INVS: variants seen among roughly 807,000 people sequenced by gnomAD.
The protein encoded by INVS is inversion of embryo turning homolog.
In INVS, 86 loss-of-function variants were observed where a neutral mutation model predicts 108.8. The ratio of observed to expected loss-of-function variants is 0.79; its 90% CI spans 0.66 to 0.95. The LOEUF (loss-of-function observed/expected upper bound fraction) is 0.95, where lower values mean the gene tolerates loss of function less well. INVS is among the 40% of genes least tolerant of loss of function. The pLI is 0.00. For missense variants in INVS, 1,169 were observed against 1,297.4 expected (o/e 0.90, Z 1.52); for synonymous variants, 455 against 473.5 (o/e 0.96, Z 0.51).
intron 7 of INVS, among the ~76,000 whole-genome samples, chr9:100,243,807 C>T (rs766397498): frequency 1.3e-5 from 2 of 152,054 alleles, no homozygotes; most frequent in Non-Finnish European, 2.9e-5. Flanking sequence ...GTCTGGAGTT[C>T]GAGAACAGCC....
intron 14 of INVS, among the ~76,000 whole-genome samples, chr9:100,293,839 T>A (rs952542360): frequency 1.3e-5 from 2 of 152,182 alleles, no homozygotes; most frequent in African/African-American, 2.4e-5. Flanking sequence ...CAGTGATGAA[T>A]GTCCAGAGAG....
At chr9:100,222,719 A>G (rs975700387) in intron 3 of INVS, among the ~76,000 whole-genome samples, 2 of 152,100 alleles carry the variant, frequency 1.3e-5, no homozygotes, top group African/African-American at 4.8e-5. Context: ...TTTAAAGGTC[A>G]TGATGAATTA....
chr9:100,243,686 T>C (rs1831952871), intron 7 of INVS, among the ~76,000 whole-genome samples: 1 of 152,144 alleles, frequency 6.6e-6, no homozygotes, highest in South Asian at 2.1e-4. Context: ...TGGGTATGCA[T>C]AGTGAAACCC....
intron 5 of INVS, among the ~76,000 whole-genome samples, chr9:100,238,964 A>G (rs142347927): frequency 1.3e-5 from 2 of 152,356 alleles, no homozygotes; most frequent in African/African-American, 2.4e-5. Context: ...ACCATAAGGG[A>G]AAAATGCAGT....
chr9:100,235,162 T>C (rs536578729), intron 5 of INVS, among the ~76,000 whole-genome samples: 13 of 152,300 alleles, frequency 8.5e-5, no homozygotes, highest in African/African-American at 3.1e-4. Context: ...TTAAAGTCTG[T>C]TTTATCAGAG....
chr9:100,228,742 C>G (rs1831415864), intron 4 of INVS, among the ~76,000 whole-genome samples: 1 of 152,192 alleles, frequency 6.6e-6, no homozygotes, highest in African/African-American at 2.4e-5. Flanking sequence ...GAGCAGATTA[C>G]TTAGGTTCCG....
At chr9:100,104,720 A>G in intron 2 of INVS, 93 bp downstream of exon 2, 2 of 802,076 alleles carry the variant, frequency 2.5e-6, no homozygotes, top group South Asian at 2.8e-5. Context: ...ATGTACTCAT[A>G]CATTTTAATG....
chr9:100,100,811 A>AATATATATATAATATATGTATATATAAT lies in INVS; in HGVS notation c.-25+1404_-25+1405insTAATATATGTATATATAATATATATATA, dbSNP rs1473978171. Among the ~76,000 whole-genome samples, 24 of 13,208 alleles carry AATATATATATAATATATGTATATATAAT rather than the reference A, an allele frequency of 1.8e-3. 10 individuals carry two copies. 8.7% of individuals were successfully genotyped at this position (13,208 alleles called of 152,430 possible). On this transcript the variant is annotated intron_variant, in intron 1 of 16. Coordinates refer to ENST00000262457, the MANE Select transcript of INVS (RefSeq NM_014425.5). The stretch of plus-strand genomic sequence containing the variant: ...TTATATATATAATATATGTATATAT[A>AATATATATATAATATATGTATATATAAT]ATATATATAATATATGTATATATAA...
rs1828511740 is a variant in INVS at position 100,143,835 on chromosome 9, A to C, written c.273+17286A>C. Among the ~76,000 whole-genome samples, 3 of 152,072 alleles carry C rather than the reference A, an allele frequency of 2.0e-5. No homozygotes were observed. In the South Asian group the frequency reaches 6.2e-4, roughly 32 times the overall value. ...GGCCCTTGAAAAGAAGGTAATGTGGAGTGGGTAGCTTCCATATCGATTAAG... is the reference window on the plus strand; with the variant it reads ...GGCCCTTGAAAAGAAGGTAATGTGGCGTGGGTAGCTTCCATATCGATTAAG... On this transcript the variant is annotated intron_variant, in intron 3 of 16. Transcript: ENST00000262457.
At chr9:100,103,271 C>T (rs541404374) in intron 1 of INVS, among the ~76,000 whole-genome samples, 2 of 152,264 alleles carry the variant, frequency 1.3e-5, no homozygotes, top group South Asian at 4.1e-4. Flanking sequence ...GTGAAACTTC[C>T]ACCTCAGCCT....
At chr9:100,105,633 A>G (rs908212538) in intron 2 of INVS, among the ~76,000 whole-genome samples, 1 of 152,046 alleles carries the variant, frequency 6.6e-6, no homozygotes, top group African/African-American at 2.4e-5. Context: ...GACATTTTCC[A>G]CCACCTCCAA....
At chr9:100,198,267 T>G (rs927939390) in intron 3 of INVS, among the ~76,000 whole-genome samples, 29 of 12,756 alleles carry the variant, frequency 2.3e-3, no homozygotes, top group Non-Finnish European at 4.6e-3. Context: ...GGCTAGAATT[T>G]TTTTTTTTTT....
intron 3 of INVS, among the ~76,000 whole-genome samples, chr9:100,165,427 T>C (rs1829330834): frequency 6.6e-6 from 1 of 152,138 alleles, no homozygotes; most frequent in African/African-American, 2.4e-5. Flanking sequence ...CCATCTATCC[T>C]ACAGTTATTA....
intron 2 of INVS, among the ~76,000 whole-genome samples, chr9:100,112,973 T>G (rs778817900): frequency 3.3e-5 from 5 of 152,196 alleles, no homozygotes; most frequent in Non-Finnish European, 5.9e-5. Flanking sequence ...TTGCTTAACC[T>G]AACAAGATGC....
chr9:100,188,723 C>T (rs1830129645), intron 3 of INVS, among the ~76,000 whole-genome samples: 1 of 150,674 alleles, frequency 6.6e-6, no homozygotes, highest in Admixed American at 6.6e-5. Flanking sequence ...GGGAGGATTA[C>T]CTCTTTCTCA....
chr9:100,256,343 T>C (rs980575049), intron 10 of INVS, among the ~76,000 whole-genome samples: 3 of 152,216 alleles, frequency 2.0e-5, no homozygotes, highest in Non-Finnish European at 2.9e-5. Flanking sequence ...CTATCAGTTT[T>C]GTTGATCTTT....
chr9:100,281,778 C>A (rs2118712822), intron 12 of INVS, among the ~76,000 whole-genome samples: 1 of 150,286 alleles, frequency 6.7e-6, no homozygotes, highest in African/African-American at 2.4e-5. Flanking sequence ...GAAGCCAAAG[C>A]CCTCTTGCTT....
At chr9:100,099,778 C>G (rs1203926313) in intron 1 of INVS, among the ~76,000 whole-genome samples, 1 of 152,154 alleles carries the variant, frequency 6.6e-6, no homozygotes, top group African/African-American at 2.4e-5. Context: ...GCAAAGCAGT[C>G]GAGGATCCTA....
chr9:100,192,011 A>T (rs1830237384), intron 3 of INVS, among the ~76,000 whole-genome samples: 1 of 152,134 alleles, frequency 6.6e-6, no homozygotes, highest in Non-Finnish European at 1.5e-5. Flanking sequence ...TTGTAGTAGC[A>T]AGGTGCTTGG....
Sources: allele counts gnomAD v4.1 joint callset (sites outside exome capture counted in the v4.1 genomes callset), GRCh38; gene constraint gnomAD v4.1.1; transcripts MANE v1.5; gene names NCBI Gene and HGNC (gene_info 2026-07-23, HGNC 2026-07-21).